The following KAZN variants were observed in gnomAD, a reference collection of about 807,000 sequenced individuals.
The protein encoded by KAZN is kazrin, periplakin interacting protein.
A neutral mutation model predicts 87.4 loss-of-function variants in KAZN; 40 were observed. The observed-to-expected ratio is 0.46, with a 90% CI of 0.36 to 0.60. KAZN has a LOEUF of 0.60. Among genes scored for constraint, KAZN ranks in the 20% least tolerant of loss-of-function variants. The pLI is 0.00. For synonymous variants in KAZN, 466 were observed against 458.3 expected, an observed-to-expected ratio of 1.02 and a Z score of -0.22; for missense variants, 898 against 1,073.9, an observed-to-expected ratio of 0.84 and a Z score of 2.29.
At chr1:14,682,671 A>C (rs963186006) in intron 1 of KAZN, among the ~76,000 whole-genome samples, 9 of 152,200 alleles carry the variant, frequency 5.9e-5, no homozygotes, top group Non-Finnish European at 1.2e-4. Context: ...AATGGAAAAA[A>C]AAATGTATTC....
At chr1:14,140,722 G>A (rs1207398443) in intron 1 of KAZN, among the ~76,000 whole-genome samples, 1 of 150,492 alleles carries the variant, frequency 6.6e-6, no homozygotes, top group Non-Finnish European at 1.5e-5. Flanking sequence ...CCTCCCCCAC[G>A]AACCCCGTCC....
intron 13 of KAZN, among the ~76,000 whole-genome samples, chr1:15,110,418 C>A (rs1244243291): frequency 7.8e-6 from 1 of 128,538 alleles, no homozygotes; most frequent in African/African-American, 2.8e-5. Context: ...TTTGTGTGTG[C>A]GCATATGTGT....
chr1:13,940,295 T>C (rs77703829), intron 1 of KAZN, among the ~76,000 whole-genome samples: 1 of 143,624 alleles, frequency 7.0e-6, no homozygotes, highest in South Asian at 2.2e-4. Flanking sequence ...TTTTTTTTTT[T>C]GATTACTGAT....
chr1:14,494,924 C>G (rs530388816), intron 2 of KAZN, among the ~76,000 whole-genome samples: 4 of 152,228 alleles, frequency 2.6e-5, no homozygotes, highest in African/African-American at 9.6e-5. Context: ...CTGGGAACTT[C>G]CCCCACAGCT....
intron 2 of KAZN, among the ~76,000 whole-genome samples, chr1:14,211,210 A>C (rs868453644): frequency 1.6e-4 from 25 of 152,096 alleles, no homozygotes; most frequent in Middle Eastern, 6.8e-3. Context: ...ACCTATCTCT[A>C]TTTGTTTATT....
At chr1:14,617,625 A>C (rs1378672945) in intron 1 of KAZN, among the ~76,000 whole-genome samples, 1 of 152,222 alleles carries the variant, frequency 6.6e-6, no homozygotes, top group Non-Finnish European at 1.5e-5. Context: ...CCCGGTGATA[A>C]GTGCATGGGA....
rs74059363 is a variant in KAZN, at chr1:14,791,672, C to G, written c.227-169012C>G. On this transcript the variant is annotated intron_variant, in intron 1 of 14. Transcript: ENST00000376030. ...GAGGACGGCGAGAGTGAGCTTAGTC[C>G]CCAGGGGAATGCAGAAACTGGAGAT... Among the ~76,000 whole-genome samples, 1,176 of 152,224 alleles carry G rather than the reference C, an allele frequency of 7.7e-3. 23 individuals are homozygous for G. The highest frequency in any genetic ancestry group is 0.027 in the African/African-American group (1,123 of 41,546).
chr1:14,496,076 TCA>T (rs1367979239), intron 2 of KAZN, among the ~76,000 whole-genome samples: 1 of 152,216 alleles, frequency 6.6e-6, no homozygotes, highest in Non-Finnish European at 1.5e-5. Flanking sequence ...CTATTTATTT[TCA>T]CAGTCTCGCT....
At chr1:14,297,385 C>T (rs187005381) in intron 2 of KAZN, among the ~76,000 whole-genome samples, 15 of 152,276 alleles carry the variant, frequency 9.9e-5, no homozygotes, top group Admixed American at 4.6e-4. Flanking sequence ...TCTCATTGGC[C>T]AGAACTGTAT....
chr1:14,937,902 G>C (rs192404102), intron 1 of KAZN, among the ~76,000 whole-genome samples: 112 of 152,340 alleles, frequency 7.4e-4, no homozygotes, highest in African/African-American at 2.0e-3. Context: ...TCTCACAGCA[G>C]AGCAGGCATG....
At chr1:14,793,023 G>T (rs1645725377) in intron 1 of KAZN, among the ~76,000 whole-genome samples, 1 of 151,602 alleles carries the variant, frequency 6.6e-6, no homozygotes, top group African/African-American at 2.4e-5. Context: ...GACTGCATTT[G>T]GGAAAGCAGC....
chr1:14,238,259 C>T (rs1648606956), intron 2 of KAZN, among the ~76,000 whole-genome samples: 1 of 152,158 alleles, frequency 6.6e-6, no homozygotes, highest in African/African-American at 2.4e-5. Context: ...GGTTTTTGTT[C>T]ATGCTGCTGT....
intron 2 of KAZN, among the ~76,000 whole-genome samples, chr1:14,543,847 A>T (rs1322255347): frequency 6.6e-6 from 1 of 152,210 alleles, no homozygotes; most frequent in Non-Finnish European, 1.5e-5. Flanking sequence ...AAGGAATAAG[A>T]TTATTAGATG....
chr1:15,016,998 T>TAA (rs1239708709), intron 2 of KAZN, among the ~76,000 whole-genome samples: 3 of 152,116 alleles, frequency 2.0e-5, no homozygotes, highest in African/African-American at 7.2e-5. Flanking sequence ...TCCATGGGAA[T>TAA]AAAGACCTTA....
chr1:14,395,441 C>T (rs957669896), intron 2 of KAZN, among the ~76,000 whole-genome samples: 4 of 152,078 alleles, frequency 2.6e-5, no homozygotes, highest in African/African-American at 9.7e-5. Context: ...TTGGCTGGGG[C>T]TCTTACCACC....
At chr1:14,306,067 A>G (rs928464354) in intron 2 of KAZN, among the ~76,000 whole-genome samples, 8 of 152,182 alleles carry the variant, frequency 5.3e-5, no homozygotes, top group African/African-American at 1.7e-4. Flanking sequence ...TTTTGTTGGA[A>G]GACATTAAAT....
intron 2 of KAZN, among the ~76,000 whole-genome samples, chr1:14,586,404 A>G (rs1675848541): frequency 6.6e-6 from 1 of 152,184 alleles, no homozygotes; most frequent in Non-Finnish European, 1.5e-5. Context: ...AATCATAGTA[A>G]TAGTAAGAAT....
intron 2 of KAZN, among the ~76,000 whole-genome samples, chr1:14,573,010 G>A (rs2148548118): frequency 6.6e-6 from 1 of 152,322 alleles, no homozygotes; most frequent in African/African-American, 2.4e-5. Flanking sequence ...GAGCAACGAT[G>A]TAACAGACCA....
intron 1 of KAZN, among the ~76,000 whole-genome samples, chr1:13,982,866 T>G (rs1352160904): frequency 6.6e-6 from 1 of 151,796 alleles, no homozygotes; most frequent in Non-Finnish European, 1.5e-5. Context: ...GAGTGCCCAT[T>G]GGTGTATTTA....
Sources: gnomAD v4.1 joint callset for allele counts (sites outside exome capture counted in the v4.1 genomes callset) on GRCh38, gnomAD v4.1.1 for gene constraint, MANE v1.5 for transcripts, NCBI Gene and HGNC (gene_info 2026-07-23, HGNC 2026-07-21) for gene names.